The following MMP16 variants were observed in gnomAD, a reference collection of about 807,000 sequenced individuals.
MMP16 encodes matrix metallopeptidase 16, also known as matrix metalloproteinase-16.
A neutral mutation model predicts 67.8 loss-of-function variants in MMP16; 12 were observed. The ratio of observed to expected loss-of-function variants is 0.18; its 90% CI spans 0.11 to 0.29. The LOEUF (loss-of-function observed/expected upper bound fraction) is 0.29. Ranked by LOEUF, MMP16 falls within the 10% of genes least tolerant of loss-of-function variation. The pLI, the probability that MMP16 is intolerant of heterozygous loss-of-function variation, is 1.00. For missense variants in MMP16, 475 were observed against 765.7 expected (o/e 0.62, Z 4.48); for synonymous variants, 249 against 255.9 (o/e 0.97, Z 0.26).
chr8:88,245,462 C>A (rs1810099687), intron 1 of MMP16, among the ~76,000 whole-genome samples: 2 of 152,118 alleles, frequency 1.3e-5, no homozygotes, highest in African/African-American at 4.8e-5. Context: ...CTGAGGCAGT[C>A]CCCTGTGTAA....
chr8:88,239,771 C>T (rs1358136703), intron 1 of MMP16, among the ~76,000 whole-genome samples: 1 of 152,076 alleles, frequency 6.6e-6, no homozygotes, highest in Non-Finnish European at 1.5e-5. Context: ...CATTCTGCCA[C>T]GTGTTGTTTT....
At chr8:88,154,273 T>C (rs1286167324) in intron 4 of MMP16, among the ~76,000 whole-genome samples, 1 of 138,980 alleles carries the variant, frequency 7.2e-6, no homozygotes, top group Non-Finnish European at 1.5e-5. Context: ...TTGGTGGGAC[T>C]GTAAACTAGT....
intron 5 of MMP16, among the ~76,000 whole-genome samples, chr8:88,117,182 C>A (rs904788419): frequency 1.3e-5 from 2 of 152,106 alleles, no homozygotes; most frequent in Non-Finnish European, 2.9e-5. Flanking sequence ...TTTATTCTAT[C>A]CAATGTGTCA....
In MMP16 at chr8:88,312,045, C is replaced by T. The variant is rs374504566; in HGVS notation, c.132+15030G>A. ...TGAACACCCATGTGGTAGGTGATAC[C>T]AGCACAGTGGTGGGAAGTAGTGTCA... On this transcript the variant is annotated intron_variant, in intron 1 of 9. Coordinates refer to ENST00000286614, the MANE Select transcript of MMP16 (RefSeq NM_005941.5). Among the ~76,000 whole-genome samples, 136 of 152,210 alleles carry T rather than the reference C, an allele frequency of 8.9e-4. 1 individual carries two copies. The highest frequency in any genetic ancestry group is 2.8e-3 in the African/African-American group (116 of 41,534).
chr8:88,254,068 C>T (rs1249731333), intron 1 of MMP16, among the ~76,000 whole-genome samples: 1 of 152,014 alleles, frequency 6.6e-6, no homozygotes, highest in Non-Finnish European at 1.5e-5. Flanking sequence ...CCTAAATGCC[C>T]AACAATGATA....
intron 7 of MMP16, among the ~76,000 whole-genome samples, chr8:88,061,164 A>C (rs1364732204): frequency 7.6e-6 from 1 of 131,118 alleles, no homozygotes. Flanking sequence ...ACACACACAC[A>C]CACACACCCC....
chr8:88,141,080 G>A (rs1324738382), intron 4 of MMP16, among the ~76,000 whole-genome samples: 1 of 152,008 alleles, frequency 6.6e-6, no homozygotes, highest in African/African-American at 2.4e-5. Flanking sequence ...TAAGTGAAAG[G>A]TACTCTCCAT....
At chr8:88,120,818 A>G (rs1411031454) in intron 4 of MMP16, among the ~76,000 whole-genome samples, 1 of 151,926 alleles carries the variant, frequency 6.6e-6, no homozygotes. Context: ...ATGTAGACTT[A>G]CAGGGATTAT....
intron 8 of MMP16, among the ~76,000 whole-genome samples, chr8:88,052,739 A>G (rs116800038): frequency 6.6e-6 from 1 of 152,164 alleles, no homozygotes; most frequent in Non-Finnish European, 1.5e-5. Context: ...TCTTTCCTAC[A>G]TTATTGCCTT....
intron 1 of MMP16, among the ~76,000 whole-genome samples, chr8:88,217,774 G>A (rs537695299): frequency 6.6e-6 from 1 of 152,098 alleles, no homozygotes; most frequent in South Asian, 2.1e-4. Context: ...GAAAATATGA[G>A]TGAGAAAAAT....
At chr8:88,141,262 G>C (rs1808206495) in intron 4 of MMP16, among the ~76,000 whole-genome samples, 1 of 152,108 alleles carries the variant, frequency 6.6e-6, no homozygotes, top group African/African-American at 2.4e-5. Flanking sequence ...TAGTCTAATA[G>C]GCACAAAGGC....
intron 1 of MMP16, among the ~76,000 whole-genome samples, chr8:88,318,450 ATTT>A (rs1424757823): frequency 6.6e-6 from 1 of 152,090 alleles, no homozygotes; most frequent in Non-Finnish European, 1.5e-5. Flanking sequence ...ATGGGTTAAT[ATTT>A]TTCCACTATA....
intron 1 of MMP16, among the ~76,000 whole-genome samples, chr8:88,302,962 G>T (rs1489682118): frequency 1.3e-5 from 2 of 152,172 alleles, no homozygotes; most frequent in Admixed American, 1.3e-4. Flanking sequence ...GTGATTGTAT[G>T]ATCCCACTCG....
chr8:88,311,240 G>A (rs1015979569), intron 1 of MMP16, among the ~76,000 whole-genome samples: 7 of 152,060 alleles, frequency 4.6e-5, no homozygotes, highest in Non-Finnish European at 8.8e-5. Flanking sequence ...AAGACTCTAC[G>A]GTGGATTTTG....
chr8:88,158,359 C>A (rs909742329), intron 4 of MMP16, among the ~76,000 whole-genome samples: 1 of 152,120 alleles, frequency 6.6e-6, no homozygotes, highest in African/African-American at 2.4e-5. Flanking sequence ...CTAATGATCG[C>A]CATTTTAAGT....
intron 6 of MMP16, among the ~76,000 whole-genome samples, chr8:88,087,302 C>T (rs1185057536): frequency 6.6e-6 from 1 of 151,852 alleles, no homozygotes; most frequent in Admixed American, 6.6e-5. Flanking sequence ...AAGGTACAAT[C>T]TAGGCTTCAC....
intron 4 of MMP16, among the ~76,000 whole-genome samples, chr8:88,149,637 T>G (rs1455534117): frequency 6.6e-6 from 1 of 151,344 alleles, no homozygotes; most frequent in Non-Finnish European, 1.5e-5. Flanking sequence ...CCAACAGACC[T>G]GCAGCTGAGG....
intron 1 of MMP16, among the ~76,000 whole-genome samples, chr8:88,226,120 C>CA (rs1322119131): frequency 6.6e-6 from 1 of 151,992 alleles, no homozygotes; most frequent in East Asian, 1.9e-4. Context: ...CACACACGCA[C>CA]ACACACACAA....
At position 88,033,059 on chromosome 8, in the gene MMP16, T is replaced by C. The variant is rs1181817837; in HGVS notation, c.*8402A>G. 1 of 151,958 alleles carries C rather than the reference T, an allele frequency of 6.6e-6. No homozygotes were observed. Among genetic ancestry groups the C allele is most frequent in the African/African-American group, 2.4e-5 (1 of 41,404 alleles). 9.4% of individuals were successfully genotyped at this position (151,958 alleles called of 1,614,324 possible). A position where few individuals can be genotyped will look rare whatever the true frequency, so the allele number is the denominator to read the frequency against. On this transcript the variant is annotated 3_prime_UTR_variant, in exon 10 of 10. Coordinates refer to ENST00000286614, the MANE Select transcript of MMP16 (RefSeq NM_005941.5). Reference sequence around the variant, plus strand: ...ACAGTTTAATGTTATTTAAATAAAGTCTGTATTAATTTTAATTCTTTTACT... The same window carrying C: ...ACAGTTTAATGTTATTTAAATAAAGCCTGTATTAATTTTAATTCTTTTACT...
Sources: allele counts gnomAD v4.1 joint callset (sites outside exome capture counted in the v4.1 genomes callset), GRCh38; gene constraint gnomAD v4.1.1; transcripts MANE v1.5; gene names NCBI Gene and HGNC (gene_info 2026-07-23, HGNC 2026-07-21).